Variants in HOGA1 observed in about 807,000 individuals in gnomAD.
The protein encoded by HOGA1 is 4-hydroxy-2-oxoglutarate aldolase, mitochondrial.
In HOGA1, 30 loss-of-function variants were observed where a neutral mutation model predicts 34.3. That is an observed-to-expected ratio of 0.87 (90% confidence interval 0.65 to 1.19). HOGA1 has a LOEUF of 1.19. Among genes scored for constraint, HOGA1 ranks in the 50% most tolerant of loss-of-function variants. The pLI is 0.00. For missense variants in HOGA1, 417 were observed against 436.5 expected, an observed-to-expected ratio of 0.96 and a Z score of 0.40; for synonymous variants, 161 against 174.0, an observed-to-expected ratio of 0.93 and a Z score of 0.59.
At chr10:97,597,555 G>A (rs1327370887) in intron 1 of HOGA1, among the ~76,000 whole-genome samples, 1 of 152,142 alleles carries the variant, frequency 6.6e-6, no homozygotes, top group Non-Finnish European at 1.5e-5. Context: ...AAAGCAATGA[G>A]ATTCACTTTT....
intron 1 of HOGA1, among the ~76,000 whole-genome samples, chr10:97,598,104 A>C (rs989967437): frequency 2.0e-5 from 3 of 152,268 alleles, no homozygotes; most frequent in Non-Finnish European, 4.4e-5. Context: ...TGTTTGCAAT[A>C]GCAAATAGAA....
intron 1 of HOGA1, among the ~76,000 whole-genome samples, chr10:97,591,559 G>A (rs1353565705): frequency 2.0e-5 from 3 of 151,974 alleles, no homozygotes; most frequent in African/African-American, 7.3e-5. Context: ...TTAGCCCTGC[G>A]TGCATTAGCT....
rs377638985 is a variant in HOGA1 at position 97,601,941 on chromosome 10, G to A, written c.785G>A (p.Trp262Ter). The A allele has an allele frequency of 1.9e-6, 3 of 1,613,144 alleles. No individual in the cohort carries two copies. In the African/African-American group the frequency reaches 4.0e-5, roughly 22 times the overall value. ...GAGCGACTGTGCTGCACGGGGCAATGGGAAGATGCCCAGAAACTGCAGCAC... is the reference window on the plus strand; with the variant it reads ...GAGCGACTGTGCTGCACGGGGCAATAGGAAGATGCCCAGAAACTGCAGCAC... ...QLERLCCTGQWEDAQKLQHRL... is the reference protein window; with the variant it reads ...QLERLCCTGQ Residue 262 changes from tryptophan (W) to a stop codon, truncating the protein, a stop_gained, in exon 6 of 7, where the codon TGG becomes TAG. Transcript: ENST00000370646. LOFTEE classifies it high-confidence loss of function.
In HOGA1 at chr10:97,599,246, G is replaced by T. The variant is rs563840125; in HGVS notation, c.468+30G>T. ...GTGTGAGGCCTGAGACCAAGAGGAG[G>T]CTCTGCCCAGGGAGAGGAGATAAGG... On this transcript the variant is annotated intron_variant, in intron 3 of 6. Transcript: ENST00000370646. 4 of 1,613,600 alleles carry T rather than the reference G, an allele frequency of 2.5e-6. No homozygotes were observed. In the East Asian group the frequency reaches 8.9e-5, roughly 36 times the overall value.
rs2041203151 is a variant in HOGA1 at position 97,612,264 on chromosome 10, T to A, written c.*605T>A. 1 of 153,014 alleles carries A rather than the reference T, an allele frequency of 6.5e-6. No individual in the cohort carries two copies. Among genetic ancestry groups the A allele is most frequent in the Non-Finnish European group, 1.5e-5 (1 of 68,734 alleles). 9.5% of individuals were successfully genotyped at this position (153,014 alleles called of 1,614,324 possible). Reference sequence around the variant, plus strand: ...ATCCAACTGCCTCGGCCTCCCAAAGTGCTGGGATTACAGCTGTGAGCCACT... The same window carrying A: ...ATCCAACTGCCTCGGCCTCCCAAAGAGCTGGGATTACAGCTGTGAGCCACT... On this transcript the variant is annotated 3_prime_UTR_variant, in exon 7 of 7. Transcript: ENST00000370646.
chr10:97,588,700 A>C (rs2040991915), intron 1 of HOGA1, among the ~76,000 whole-genome samples: 1 of 152,324 alleles, frequency 6.6e-6, no homozygotes, highest in African/African-American at 2.4e-5. Context: ...TCCATAAAAC[A>C]CTTGTGTCCT....
Position 97,594,420 on chromosome 10 carries a change from T to A in HOGA1, c.212-4355T>A, listed in dbSNP as rs910181247. Among the ~76,000 whole-genome samples, 5 of 151,696 alleles carry A rather than the reference T, an allele frequency of 3.3e-5. 1 individual carries two copies. Among genetic ancestry groups the A allele is most frequent in the African/African-American group, 7.3e-5 (3 of 41,290 alleles). On this transcript the variant is annotated intron_variant, in intron 1 of 6. Transcript: ENST00000370646. ...CCCAGGCTGCAGTGCAGTAGCCCAA[T>A]CTTGGCTCACTGCAACCTCTGCCTC...
intron 1 of HOGA1, chr10:97,590,309 G>T: frequency 6.2e-7 from 1 of 1,613,818 alleles, no homozygotes; most frequent in Non-Finnish European, 8.5e-7. Flanking sequence ...TGACACCCAG[G>T]GGCGGCACCT....
At position 97,599,712 on chromosome 10, in the gene HOGA1, G is replaced by A. The variant is rs2041101080; in HGVS notation, c.501G>A (p.Leu167=). 3.7e-6 allele frequency: 6 copies of A among 1,614,170 alleles called. No homozygotes were observed. Among genetic ancestry groups the A allele is most frequent in the Non-Finnish European group, 5.1e-6 (6 of 1,180,032 alleles). Residue 167 remains leucine (L), a synonymous_variant, in exon 4 of 7, where the codon CTG becomes CTA. Coordinates refer to ENST00000370646, the MANE Select transcript of HOGA1 (RefSeq NM_138413.4). The stretch of plus-strand genomic sequence containing the variant: ...ATCTCTCTCCAATCCCTGTGGTGCT[G>A]TACAGTGTCCCAGCCAACACAGGGC... ...VADLSPIPVV[L]YSVPANTGLD... is the part of the protein sequence containing the mutation.
chr10:97,610,242 C>A (rs1044133939), intron 6 of HOGA1, among the ~76,000 whole-genome samples: 1 of 152,264 alleles, frequency 6.6e-6, no homozygotes, highest in South Asian at 2.1e-4. Flanking sequence ...CCAAGGTGGG[C>A]AGATCACTTG....
At chr10:97,588,478 G>C (rs1464809061) in intron 1 of HOGA1, among the ~76,000 whole-genome samples, 1 of 152,180 alleles carries the variant, frequency 6.6e-6, no homozygotes. Flanking sequence ...AAAGTGTTGG[G>C]ATTACAGGCG....
At chr10:97,593,966 T>C (rs1227949119) in intron 1 of HOGA1, among the ~76,000 whole-genome samples, 1 of 152,052 alleles carries the variant, frequency 6.6e-6, no homozygotes, top group Non-Finnish European at 1.5e-5. Flanking sequence ...CCTCCCGGGT[T>C]CAAGCGATTC....
chr10:97,590,394 A>C (rs750889147), intron 1 of HOGA1: 19 of 1,614,062 alleles, frequency 1.2e-5, no homozygotes, highest in South Asian at 4.4e-5. Flanking sequence ...ATCAACCAGG[A>C]GGAGCTGAGG....
At chr10:97,602,399 C>T (rs1339556586) in intron 6 of HOGA1, 3 of 985,336 alleles carry the variant, frequency 3.0e-6, no homozygotes, top group Non-Finnish European at 3.6e-6. Context: ...ATAGGAATGA[C>T]TGGGGCTGGC....
At chr10:97,609,009 G>A (rs924705854) in intron 6 of HOGA1, among the ~76,000 whole-genome samples, 1 of 152,142 alleles carries the variant, frequency 6.6e-6, no homozygotes, top group African/African-American at 2.4e-5. Context: ...CAAAGGGGCA[G>A]ATTAACTTAG....
chr10:97,600,127 G>A lies in HOGA1; in HGVS notation c.664G>A (p.Gly222Arg). The change falls in exon 5 of 7, where the codon GGA (glycine) becomes AGA (arginine). Residue 222 changes from glycine to arginine, a missense_variant. Transcript: ENST00000370646. Reference sequence around the variant, plus strand: ...GAAGCAGGATTTTCAGGTGTTGGCTGGATCGGCTGGCTTTCTGATGGCCAG... The same window carrying A: ...GAAGCAGGATTTTCAGGTGTTGGCTAGATCGGCTGGCTTTCTGATGGCCAG... ...TRKQDFQVLA[G>R]SAGFLMASYA... The A allele has an allele frequency of 3.1e-6, 5 of 1,614,164 alleles. No homozygotes were observed. Among genetic ancestry groups the A allele is most frequent in the Non-Finnish European group, 2.5e-6 (3 of 1,180,036 alleles).
At chr10:97,611,369 C>T (rs529799688) in intron 6 of HOGA1, 141 bp from the exon 7 acceptor site, 1 of 873,122 alleles carries the variant, frequency 1.1e-6, no homozygotes, top group Non-Finnish European at 1.9e-6. Flanking sequence ...CCCAATGTAC[C>T]CTGGGTGCCA....
chr10:97,608,306 G>T (rs2135727968), intron 6 of HOGA1, among the ~76,000 whole-genome samples: 1 of 151,806 alleles, frequency 6.6e-6, no homozygotes, highest in African/African-American at 2.4e-5. Flanking sequence ...GCAAGACCCT[G>T]TCTCAAAAAA....
Position 97,611,852 on chromosome 10 carries a change from T to C in HOGA1, c.*193T>C. Reference sequence around the variant, plus strand: ...GCATATCTCCTATTCTAACGGCCCCTGACCTCTCCCTTTTGGATCCTAAAC... The same window carrying C: ...GCATATCTCCTATTCTAACGGCCCCCGACCTCTCCCTTTTGGATCCTAAAC... On this transcript the variant is annotated 3_prime_UTR_variant, in exon 7 of 7. Transcript: ENST00000370646. 3.3e-6 allele frequency: 2 copies of C among 614,942 alleles called. No homozygotes were observed. Among genetic ancestry groups the C allele is most frequent in the Non-Finnish European group, 2.8e-6 (1 of 351,208 alleles). 38.1% of individuals were successfully genotyped at this position (614,942 alleles called of 1,614,324 possible).
Sources: gnomAD v4.1 joint callset for allele counts (sites outside exome capture counted in the v4.1 genomes callset) on GRCh38, gnomAD v4.1.1 for gene constraint, MANE v1.5 for transcripts, NCBI Gene and HGNC (gene_info 2026-07-23, HGNC 2026-07-21) for gene names.